BAZ1B: variants seen among roughly 807,000 people sequenced by gnomAD.
BAZ1B encodes tyrosine-protein kinase BAZ1B.
BAZ1B carries 22 observed loss-of-function variants against 153.8 expected under a neutral mutation model. That is an observed-to-expected ratio of 0.14 (90% CI 0.10 to 0.20). The LOEUF is 0.20. BAZ1B is among the 10% of genes least tolerant of loss of function. The pLI is 1.00. For missense variants in BAZ1B, 1,325 were observed against 1,799.3 expected, an observed-to-expected ratio of 0.74 and a Z score of 4.77; for synonymous variants, 676 against 633.4, an observed-to-expected ratio of 1.07 and a Z score of -1.01.
chr7:73,458,462 A>C (rs1478148240), intron 13 of BAZ1B, among the ~76,000 whole-genome samples: 1 of 151,986 alleles, frequency 6.6e-6, no homozygotes, highest in Non-Finnish European at 1.5e-5. Context: ...GATGACCTGA[A>C]GTCAGGAGTT....
intron 12 of BAZ1B, 106 bp downstream of exon 12, chr7:73,462,816 T>C: frequency 1.6e-6 from 2 of 1,251,464 alleles, no homozygotes; most frequent in Non-Finnish European, 2.3e-6. Flanking sequence ...AATCCAAACA[T>C]CTGATTTCCA....
chr7:73,454,133 TATAAATAAATAAATAA>T (rs71300785), intron 13 of BAZ1B, among the ~76,000 whole-genome samples: 3 of 146,780 alleles, frequency 2.0e-5, no homozygotes, highest in Non-Finnish European at 3.0e-5. Context: ...ACCCCTTCTC[TATAAATAAATAAATAA>T]ATAAATAAAT....
chr7:73,513,565 C>T (rs1790670708), intron 1 of BAZ1B, among the ~76,000 whole-genome samples: 1 of 152,062 alleles, frequency 6.6e-6, no homozygotes. Context: ...CAGAGAAGAG[C>T]AACGGAACGG....
intron 16 of BAZ1B, among the ~76,000 whole-genome samples, chr7:73,444,513 T>TG (rs1787752304): frequency 6.6e-6 from 1 of 152,226 alleles, no homozygotes; most frequent in Admixed American, 6.5e-5. Context: ...AAGCTCAGCC[T>TG]GAGCGAGTGG....
intron 4 of BAZ1B, 73 bp from the exon 5 acceptor site, chr7:73,492,994 TAACTG>T (rs1443456273): frequency 2.0e-6 from 3 of 1,465,002 alleles, no homozygotes; most frequent in East Asian, 2.3e-5. Context: ...TAACAAGTCT[TAACTG>T]AACGTCTGCT....
At chr7:73,518,906 G>A (rs575735144) in intron 1 of BAZ1B, among the ~76,000 whole-genome samples, 101 of 152,172 alleles carry the variant, frequency 6.6e-4, no homozygotes, top group Non-Finnish European at 1.2e-3. Context: ...TCTACAACAC[G>A]CTGCTTGTAG....
intron 1 of BAZ1B, among the ~76,000 whole-genome samples, chr7:73,516,706 C>T (rs529387074): frequency 1.7e-5 from 2 of 116,646 alleles, no homozygotes; most frequent in African/African-American, 6.6e-5. Context: ...AGTTGGGAGG[C>T]GGAGGTTGCA....
intron 9 of BAZ1B, among the ~76,000 whole-genome samples, chr7:73,469,145 A>AAAGAAG (rs1401052815): frequency 6.6e-6 from 1 of 151,718 alleles, no homozygotes; most frequent in Non-Finnish European, 1.5e-5. Flanking sequence ...AAAAAAAAAA[A>AAAGAAG]AAGAAGAAGA....
rs782649143 is a variant in BAZ1B, at chr7:73,477,466, A to G, written c.1995T>C (p.Asp665=). The change falls in exon 7 of 20, where the codon GAT becomes GAC. Residue 665 remains aspartate (D), a synonymous_variant. Transcript: ENST00000339594. This position sits in a 1 kb window ranked among gnomAD's most constrained non-coding sequence, Gnocchi z 5.6. ...ATTCACCATAGTCTTCTGCTATCTC[A>G]TCTTGTAGGAGGGTCTGTAAGAGGA... The part of the protein sequence containing the change: ...LVILLQTLLQ[D]EIAEDYGELG... 5 of 1,614,170 alleles carry G rather than the reference A, an allele frequency of 3.1e-6. No homozygotes were observed. In the Admixed American group the frequency reaches 8.3e-5, roughly 27 times the overall value.
At chr7:73,459,076 G>A (rs1369045085) in intron 13 of BAZ1B, among the ~76,000 whole-genome samples, 5 of 151,718 alleles carry the variant, frequency 3.3e-5, no homozygotes, top group African/African-American at 9.7e-5. Flanking sequence ...GTGAAACCCC[G>A]TCTCTACTAA....
intron 8 of BAZ1B, among the ~76,000 whole-genome samples, chr7:73,470,016 G>A (rs1401888872): frequency 1.3e-5 from 2 of 152,032 alleles, no homozygotes; most frequent in African/African-American, 4.8e-5. Context: ...CCTAATTTGT[G>A]TAACTACTAA....
chr7:73,498,023 G>A (rs752475468), intron 4 of BAZ1B, among the ~76,000 whole-genome samples: 11 of 151,412 alleles, frequency 7.3e-5, no homozygotes, highest in Admixed American at 2.0e-4. Flanking sequence ...GCAATGGTGC[G>A]ATCTCAGTTC....
At chr7:73,442,070 T>G in intron 19 of BAZ1B, 111 bp downstream of exon 19, 1 of 768,654 alleles carries the variant, frequency 1.3e-6, no homozygotes, top group Non-Finnish European at 2.1e-6. Flanking sequence ...CAGCATAAGC[T>G]TGGGATGACA....
At chr7:73,498,782 T>C (rs1055161005) in intron 3 of BAZ1B, 84 bp from the exon 4 acceptor site, 2 of 1,171,368 alleles carry the variant, frequency 1.7e-6, no homozygotes, top group Admixed American at 2.0e-5. Context: ...CCAATATACA[T>C]GCCTCCTCAA....
rs782785524 is a variant in BAZ1B, at chr7:73,489,275, T to A, written c.810A>T (p.Ala270=). ...NALRAGTGEN[A]PWVVEDELVK... ...CCAATTCATCTTCTACGACCCAAGG[T>A]GCATTTTCACCAGTACCAGCTCGTA... The change falls in exon 6 of 20, where the codon GCA becomes GCT. Residue 270 remains alanine (A), a synonymous_variant. Transcript: ENST00000339594. 6.8e-6 allele frequency: 11 copies of A among 1,614,074 alleles called. No homozygotes were observed. In the African/African-American group the frequency reaches 1.3e-4, roughly 20 times the overall value.
chr7:73,462,086 A>C (rs1554570476), intron 12 of BAZ1B, among the ~76,000 whole-genome samples: 1 of 152,176 alleles, frequency 6.6e-6, no homozygotes, highest in Non-Finnish European at 1.5e-5. Context: ...AAATTCTAAA[A>C]ATCAGCCAGG....
At chr7:73,498,379 A>G in intron 4 of BAZ1B, 118 bp downstream of exon 4, 1 of 955,794 alleles carries the variant, frequency 1.0e-6, no homozygotes. Context: ...ATAAATGAAC[A>G]AAATCATGTC....
intron 5 of BAZ1B, among the ~76,000 whole-genome samples, chr7:73,491,159 A>C (rs190060345): frequency 2.6e-5 from 4 of 151,932 alleles, no homozygotes; most frequent in South Asian, 4.2e-4. Context: ...GGTGGCGGGC[A>C]CCTGTAATCC....
At chr7:73,491,027 C>G (rs1789618999) in intron 5 of BAZ1B, among the ~76,000 whole-genome samples, 1 of 151,872 alleles carries the variant, frequency 6.6e-6, no homozygotes, top group Non-Finnish European at 1.5e-5. Context: ...GTGGCTCATG[C>G]CTGTAATCCC....
Sources: gnomAD v4.1 joint callset for allele counts (sites outside exome capture counted in the v4.1 genomes callset) on GRCh38, gnomAD v4.1.1 for gene constraint, Gnocchi (gnomAD v3.1) non-coding constraint, MANE v1.5 for transcripts, NCBI Gene and HGNC (gene_info 2026-07-23, HGNC 2026-07-21) for gene names.